TBC1D14: variants seen among roughly 807,000 people sequenced by gnomAD.
TBC1D14 encodes the protein TBC1 domain family member 14.
TBC1D14 carries 26 observed loss-of-function variants against 79.0 expected under a neutral mutation model. The ratio of observed to expected loss-of-function variants is 0.33; its 90% CI spans 0.24 to 0.46. TBC1D14 has a LOEUF of 0.46. Among genes scored for constraint, TBC1D14 ranks in the 20% least tolerant of loss-of-function variants. The pLI is 1.00. For missense variants in TBC1D14, 769 were observed against 887.6 expected, an observed-to-expected ratio of 0.87 and a Z score of 1.70; for synonymous variants, 394 against 349.9, an observed-to-expected ratio of 1.13 and a Z score of -1.40.
chr4:6,937,888 C>A (rs999063665), intron 2 of TBC1D14, among the ~76,000 whole-genome samples: 2 of 152,044 alleles, frequency 1.3e-5, no homozygotes. Context: ...GTCACACAGC[C>A]GGCTGGGAGT....
intron 5 of TBC1D14, chr4:6,997,121 T>G (rs1027544668): frequency 2.0e-5 from 3 of 152,366 alleles, no homozygotes; most frequent in African/African-American, 7.2e-5. Flanking sequence ...GCACTCCATG[T>G]GCGTCCCTCC....
At chr4:7,000,430 G>A (rs547379465) in intron 6 of TBC1D14, among the ~76,000 whole-genome samples, 1 of 152,350 alleles carries the variant, frequency 6.6e-6, no homozygotes, top group South Asian at 2.1e-4. Context: ...GGTTCAGAGA[G>A]GAGAGATCAT....
chr4:6,985,061 C>T (rs1216786717), intron 3 of TBC1D14, among the ~76,000 whole-genome samples: 2 of 152,184 alleles, frequency 1.3e-5, no homozygotes, highest in Admixed American at 1.3e-4. Context: ...TTAGATGGAG[C>T]GGCTGTTGAC....
rs997523629 is a variant in TBC1D14 at position 6,994,227 on chromosome 4, C to T, written c.887C>T (p.Pro296Leu). ...KAGRPSKPPS[P>L]KQNVRKNLDF... ...GGAAGACCTAGCAAGCCACCCTCTC[C>T]AAAGCAGAATGTGAGGAAGAATCTT... The change falls in exon 4 of 14, where the codon CCA (proline) becomes CTA (leucine). Residue 296 changes from proline (P) to leucine (L), a missense_variant. Around this residue, in one of 2 missense-constraint regions of TBC1D14, gnomAD observed 402 missense variants for 393.2 expected, o/e 1.02. Transcript: ENST00000409757. 2 of 1,614,098 alleles carry T rather than the reference C, an allele frequency of 1.2e-6. No individual in the cohort carries two copies. The highest frequency in any genetic ancestry group is 1.7e-6 in the Non-Finnish European group (2 of 1,180,042).
At chr4:6,912,260 G>A (rs945493714) in intron 1 of TBC1D14, among the ~76,000 whole-genome samples, 3 of 151,648 alleles carry the variant, frequency 2.0e-5, no homozygotes, top group African/African-American at 4.8e-5. Context: ...GTGGTGGTGC[G>A]TGCCAGCTAC....
At chr4:7,014,218 T>C (rs944794186) in intron 11 of TBC1D14, among the ~76,000 whole-genome samples, 1 of 152,258 alleles carries the variant, frequency 6.6e-6, no homozygotes, top group Non-Finnish European at 1.5e-5. Flanking sequence ...TCAGTTCCCT[T>C]TTCTATGAAT....
intron 11 of TBC1D14, among the ~76,000 whole-genome samples, chr4:7,013,424 G>T (rs1720967532): frequency 6.6e-6 from 1 of 152,236 alleles, no homozygotes; most frequent in South Asian, 2.1e-4. Flanking sequence ...CGCCCAGCTG[G>T]TGAGCACTGG....
intron 3 of TBC1D14, among the ~76,000 whole-genome samples, chr4:6,973,168 T>C (rs1034366740): frequency 2.6e-5 from 4 of 152,224 alleles, no homozygotes; most frequent in South Asian, 2.1e-4. Context: ...TTGTATAGCC[T>C]GGAATGTCTT....
intron 2 of TBC1D14, among the ~76,000 whole-genome samples, chr4:6,929,114 G>A (rs1039933055): frequency 6.6e-6 from 1 of 152,206 alleles, no homozygotes; most frequent in Non-Finnish European, 1.5e-5. Flanking sequence ...GTATGAGCTT[G>A]TATGTTGCTG....
At chr4:6,942,529 C>G (rs1324498874) in intron 2 of TBC1D14, among the ~76,000 whole-genome samples, 2 of 152,228 alleles carry the variant, frequency 1.3e-5, no homozygotes, top group Admixed American at 6.5e-5. Flanking sequence ...TTGCCTCTAG[C>G]AAGAGGCTTT....
intron 2 of TBC1D14, among the ~76,000 whole-genome samples, chr4:6,961,880 G>C (rs774011138): frequency 2.0e-5 from 3 of 152,194 alleles, no homozygotes; most frequent in Non-Finnish European, 4.4e-5. Flanking sequence ...GAGTCCTGGT[G>C]TTAACCTGGA....
At chr4:6,998,774 G>C in intron 5 of TBC1D14, 4 of 244,310 alleles carry the variant, frequency 1.6e-5, no homozygotes, top group Non-Finnish European at 3.3e-5. Context: ...CCTGACCTCA[G>C]GTGATCCACC....
Position 6,978,122 on chromosome 4 carries a change from G to C in TBC1D14, c.843+10698G>C, listed in dbSNP as rs943093991. Among the ~76,000 whole-genome samples, 12 of 149,466 alleles carry C rather than the reference G, an allele frequency of 8.0e-5. 2 individuals carry two copies. The highest frequency in any genetic ancestry group is 3.0e-4 in the African/African-American group (12 of 40,420). The stretch of plus-strand genomic sequence containing the variant: ...GCCCCATCCGGGAGGGAGGTGGGGG[G>C]GTCAGCCCCCCGCCCGGCTAGCCGC... On this transcript the variant is annotated intron_variant, in intron 3 of 13. Transcript: ENST00000409757.
rs1485292613 is a variant in TBC1D14, at chr4:6,923,963, C to G, written c.574C>G (p.Leu192Val). 1.2e-6 allele frequency: 2 copies of G among 1,614,138 alleles called. No homozygotes were observed. The highest frequency in any genetic ancestry group is 1.7e-6 in the Non-Finnish European group (2 of 1,180,014). ...VTSSSSAIVTLENDDDPQFTN... is the reference protein window; with the variant it reads ...VTSSSSAIVTVENDDDPQFTN... ...GAGCAGCTCCAGTGCCATTGTGACCCTGGAGAATGACGATGACCCACAGTT... is the reference window on the plus strand; with the variant it reads ...GAGCAGCTCCAGTGCCATTGTGACCGTGGAGAATGACGATGACCCACAGTT... The change falls in exon 2 of 14, where the codon CTG becomes GTG. Residue 192 changes from leucine (L) to valine (V), a missense_variant. Leu to Val is a conservative substitution (Grantham distance 32, BLOSUM62 1). Transcript: ENST00000409757.
chr4:6,915,536 C>G (rs1485510279), intron 1 of TBC1D14, among the ~76,000 whole-genome samples: 1 of 152,170 alleles, frequency 6.6e-6, no homozygotes, highest in East Asian at 1.9e-4. Context: ...AAGCCCAGCT[C>G]CGCCACAGTG....
At chr4:6,966,590 TG>T (rs1374565450) in intron 2 of TBC1D14, among the ~76,000 whole-genome samples, 1 of 152,216 alleles carries the variant, frequency 6.6e-6, no homozygotes, top group African/African-American at 2.4e-5. Flanking sequence ...ATAACAACCT[TG>T]TAGAACATGG....
At chr4:6,982,902 A>G (rs1261392760) in intron 3 of TBC1D14, among the ~76,000 whole-genome samples, 1 of 152,212 alleles carries the variant, frequency 6.6e-6, no homozygotes, top group Non-Finnish European at 1.5e-5. Context: ...CAAAATAGCT[A>G]TTAGTGGAAT....
At chr4:6,965,724 AG>A (rs1715644310) in intron 2 of TBC1D14, among the ~76,000 whole-genome samples, 1 of 152,190 alleles carries the variant, frequency 6.6e-6, no homozygotes, top group African/African-American at 2.4e-5. Flanking sequence ...GATTATGTGT[AG>A]AGACAGAGTC....
chr4:6,967,387 G>A lies in TBC1D14; in HGVS notation c.806G>A (p.Arg269Gln), dbSNP rs776119479. 5 of 1,613,890 alleles carry A rather than the reference G, an allele frequency of 3.1e-6. No homozygotes were observed. Among genetic ancestry groups the A allele is most frequent in the African/African-American group, 1.3e-5 (1 of 74,896 alleles). Residue 269 changes from arginine to glutamine, a missense_variant, in exon 3 of 14, where the codon CGA (arginine) becomes CAA (glutamine). By Grantham distance (43) the Arg-to-Gln change is conservative. This residue lies in a region of TBC1D14 where 402 missense variants were observed against 393.2 expected (regional missense o/e 1.02). Coordinates refer to ENST00000409757, the MANE Select transcript of TBC1D14 (RefSeq NM_020773.3). ...AAGTTATTTGGGAAAGCGCCACTCC[G>A]AGAGAATGCCCAGAAGGATTCAAAG... ...GWKLFGKAPL[R>Q]ENAQKDSKRI...
Sources: allele counts gnomAD v4.1 joint callset (sites outside exome capture counted in the v4.1 genomes callset), GRCh38; gene constraint gnomAD v4.1.1; regional missense constraint gnomAD v4.1.1; transcripts MANE v1.5; gene names NCBI Gene and HGNC (gene_info 2026-07-23, HGNC 2026-07-21).